The following SUMF1 variants were observed in gnomAD, a reference collection of about 807,000 sequenced individuals.
SUMF1 encodes the protein formylglycine-generating enzyme.
Under a neutral mutation model 47.6 loss-of-function variants are expected in SUMF1, and 48 were observed. That is an observed-to-expected ratio of 1.01 (90% CI 0.80 to 1.28). The LOEUF (loss-of-function observed/expected upper bound fraction) is 1.28, where lower values mean the gene tolerates loss of function less well. Among genes scored for constraint, SUMF1 ranks in the 50% most tolerant of loss-of-function variants. The probability of loss-of-function intolerance (pLI) is 0.00; values close to 1 mark genes in which losing one functional copy is unlikely to be tolerated. For missense variants in SUMF1, 571 were observed against 485.4 expected (o/e 1.18, Z -1.66); for synonymous variants, 230 against 192.1 (o/e 1.20, Z -1.63).
chr3:4,065,888 G>T (rs1021554738), intron 9 of SUMF1, among the ~76,000 whole-genome samples: 1 of 152,160 alleles, frequency 6.6e-6, no homozygotes, highest in Non-Finnish European at 1.5e-5. Flanking sequence ...TTTCCATGGA[G>T]TGAGGAACCA....
intron 8 of SUMF1, among the ~76,000 whole-genome samples, chr3:4,234,104 C>T (rs942386809): frequency 5.3e-5 from 8 of 151,982 alleles, no homozygotes; most frequent in African/African-American, 1.9e-4. Context: ...AACAATTGTA[C>T]GGGTGTTTAA....
intron 8 of SUMF1, among the ~76,000 whole-genome samples, chr3:4,284,441 A>AAGAAGG (rs1697589355): frequency 2.2e-5 from 2 of 91,640 alleles, no homozygotes; most frequent in African/African-American, 3.2e-5. Flanking sequence ...TAAAAAATGA[A>AAGAAGG]AGGAGGAGGA....
At chr3:4,388,191 A>G (rs1700736027) in intron 7 of SUMF1, among the ~76,000 whole-genome samples, 1 of 152,052 alleles carries the variant, frequency 6.6e-6, no homozygotes, top group East Asian at 1.9e-4. Flanking sequence ...AAAATTGTGG[A>G]TTAGTCTACT....
intron 8 of SUMF1, among the ~76,000 whole-genome samples, chr3:4,324,629 T>G (rs935784143): frequency 6.6e-6 from 1 of 152,178 alleles, no homozygotes; most frequent in Non-Finnish European, 1.5e-5. Context: ...ATGCATTGTC[T>G]CATGCTCAGT....
chr3:4,206,932 T>C (rs1424595645), intron 8 of SUMF1, among the ~76,000 whole-genome samples: 2 of 152,142 alleles, frequency 1.3e-5, no homozygotes, highest in African/African-American at 2.4e-5. Context: ...AATCTATAAA[T>C]CAATTTGAAG....
At chr3:4,339,462 A>G (rs1181673920) in intron 8 of SUMF1, among the ~76,000 whole-genome samples, 3 of 152,304 alleles carry the variant, frequency 2.0e-5, no homozygotes, top group Non-Finnish European at 1.5e-5. Flanking sequence ...CGAAGACCTC[A>G]GCCAACCCGC....
At chr3:4,319,696 T>TA (rs1482717700) in intron 8 of SUMF1, among the ~76,000 whole-genome samples, 3 of 152,310 alleles carry the variant, frequency 2.0e-5, no homozygotes, top group South Asian at 2.1e-4. Context: ...CTTGTCCACA[T>TA]AAAAACAGCA....
intron 8 of SUMF1, among the ~76,000 whole-genome samples, chr3:4,127,420 AC>A (rs1394149979): frequency 6.6e-6 from 1 of 152,114 alleles, no homozygotes; most frequent in Non-Finnish European, 1.5e-5. Flanking sequence ...AGGCAGACCC[AC>A]CCTTAATTTG....
At chr3:4,055,078 C>T (rs985544124) in intron 9 of SUMF1, among the ~76,000 whole-genome samples, 5 of 152,162 alleles carry the variant, frequency 3.3e-5, no homozygotes, top group Non-Finnish European at 4.4e-5. Flanking sequence ...GTTGTTGAAA[C>T]AGATACTGTA....
chr3:4,092,833 G>C (rs1574875618), intron 8 of SUMF1, among the ~76,000 whole-genome samples: 1 of 152,010 alleles, frequency 6.6e-6, no homozygotes, highest in East Asian at 1.9e-4. Flanking sequence ...ACTTCATATG[G>C]CCAAGTGAGT....
intron 8 of SUMF1, among the ~76,000 whole-genome samples, chr3:4,225,414 T>C (rs313692): frequency 0.23 from 35,235 of 152,032 alleles, 5,678 homozygotes; most frequent in African/African-American, 0.45. Context: ...TAAGCATTCA[T>C]CAGGAATGAA....
At chr3:4,335,016 A>G (rs1699117583) in intron 8 of SUMF1, among the ~76,000 whole-genome samples, 1 of 152,156 alleles carries the variant, frequency 6.6e-6, no homozygotes, top group African/African-American at 2.4e-5. Flanking sequence ...CAGGTAGTCA[A>G]ATTTTGATTT....
chr3:4,408,063 C>A (rs890631847), intron 7 of SUMF1, among the ~76,000 whole-genome samples: 3 of 152,204 alleles, frequency 2.0e-5, no homozygotes, highest in Non-Finnish European at 4.4e-5. Flanking sequence ...ATCACACTAT[C>A]TAGATCTCAA....
rs527442547 is a variant in SUMF1 at position 4,089,411 on chromosome 3, T to C, written c.1015-20666A>G. The stretch of plus-strand genomic sequence containing the variant: ...CACTTGAGAAATAAGGAAAGCTACT[T>C]GCTCTATTAGAGAAATGTGTAATAA... On this transcript the variant is annotated intron_variant and NMD_transcript_variant, in intron 8 of 12. Transcript: ENST00000448413. 2.4e-3 allele frequency among the ~76,000 whole-genome samples: 368 copies of C among 152,226 alleles called. 3 individuals carry two copies. Among genetic ancestry groups the C allele is most frequent in the African/African-American group, 8.4e-3 (350 of 41,526 alleles).
chr3:4,169,812 A>G (rs1427378881), intron 8 of SUMF1, among the ~76,000 whole-genome samples: 6 of 152,216 alleles, frequency 3.9e-5, no homozygotes, highest in Non-Finnish European at 8.8e-5. Flanking sequence ...ACAGTATAGT[A>G]TCAGGCATTA....
intron 8 of SUMF1, among the ~76,000 whole-genome samples, chr3:4,239,589 A>C (rs1696491526): frequency 6.6e-6 from 1 of 152,130 alleles, no homozygotes; most frequent in East Asian, 1.9e-4. Context: ...ATTGGTGTAT[A>C]GGAATGCTTG....
chr3:4,301,703 A>G (rs13066288), intron 8 of SUMF1, among the ~76,000 whole-genome samples: 50,232 of 152,118 alleles, frequency 0.33, 9,268 homozygotes, highest in Non-Finnish European at 0.43. Context: ...TAGATCACAA[A>G]TTATTTTCCC....
At chr3:4,426,599 G>C (rs1017805619) in intron 3 of SUMF1, among the ~76,000 whole-genome samples, 3 of 152,266 alleles carry the variant, frequency 2.0e-5, no homozygotes, top group Non-Finnish European at 4.4e-5. Flanking sequence ...TCATATATTA[G>C]GCATTTCATC....
intron 8 of SUMF1, among the ~76,000 whole-genome samples, chr3:4,260,908 C>A (rs13095930): frequency 0.36 from 54,867 of 151,852 alleles, 10,781 homozygotes; most frequent in Non-Finnish European, 0.45. Flanking sequence ...GGCAAGGTAA[C>A]GAATTCTCCT....
Sources: allele counts gnomAD v4.1 joint callset (sites outside exome capture counted in the v4.1 genomes callset), GRCh38; gene constraint gnomAD v4.1.1; transcripts MANE v1.5; gene names NCBI Gene and HGNC (gene_info 2026-07-23, HGNC 2026-07-21).